The following SUPT3H variants were observed in gnomAD, a reference collection of about 807,000 sequenced individuals.
The protein encoded by SUPT3H is transcription initiation protein SPT3 homolog.
In SUPT3H, 44 loss-of-function variants were observed where a neutral mutation model predicts 44.3. The observed-to-expected ratio is 0.99, with a 90% CI of 0.78 to 1.28. The LOEUF is 1.28. Among genes scored for constraint, SUPT3H ranks in the 50% most tolerant of loss-of-function variants. The pLI, the probability that SUPT3H is intolerant of heterozygous loss-of-function variation, is 0.00. For missense variants in SUPT3H, 380 were observed against 387.1 expected, an observed-to-expected ratio of 0.98 and a Z score of 0.15; for synonymous variants, 124 against 125.6, an observed-to-expected ratio of 0.99 and a Z score of 0.09.
intron 11 of SUPT3H, among the ~76,000 whole-genome samples, chr6:44,813,293 C>T (rs1178653985): frequency 2.6e-5 from 4 of 152,182 alleles, no homozygotes; most frequent in Non-Finnish European, 5.9e-5. Flanking sequence ...TTAAGGGATC[C>T]TCCTGCCTCA....
chr6:44,823,700 G>A (rs1369836677), downstream of SUPT3H, among the ~76,000 whole-genome samples: 1 of 152,132 alleles, frequency 6.6e-6, no homozygotes, highest in Admixed American at 6.5e-5. Flanking sequence ...GGTGGCTCAC[G>A]CCTGTAATCC....
At chr6:45,343,650 T>C (rs549743885) in intron 2 of SUPT3H, among the ~76,000 whole-genome samples, 18 of 152,322 alleles carry the variant, frequency 1.2e-4, no homozygotes, top group African/African-American at 4.3e-4. Context: ...ACGAACTAGC[T>C]ACTAGTCTAT....
intron 2 of SUPT3H, among the ~76,000 whole-genome samples, chr6:45,285,541 G>A (rs902931791): frequency 2.3e-4 from 35 of 152,156 alleles, no homozygotes; most frequent in East Asian, 3.9e-4. Context: ...TACAAGGGAC[G>A]TGAAGGACCT....
chr6:45,236,532 C>T (rs1209073086), intron 2 of SUPT3H, among the ~76,000 whole-genome samples: 5 of 151,824 alleles, frequency 3.3e-5, no homozygotes, highest in Non-Finnish European at 2.9e-5. Flanking sequence ...TCATCCCTAC[C>T]CTTCTGCACC....
At chr6:45,194,112 A>C (rs933929960) in intron 2 of SUPT3H, among the ~76,000 whole-genome samples, 1 of 152,176 alleles carries the variant, frequency 6.6e-6, no homozygotes, top group Non-Finnish European at 1.5e-5. Context: ...TGGTTATTTC[A>C]CAACTGACAT....
At chr6:45,182,049 C>G (rs1376035179) in intron 2 of SUPT3H, among the ~76,000 whole-genome samples, 1 of 151,816 alleles carries the variant, frequency 6.6e-6, no homozygotes, top group South Asian at 2.1e-4. Context: ...AATACGTTTC[C>G]TTTTTTGTTG....
chr6:45,042,480 C>T (rs1319887735), intron 3 of SUPT3H, among the ~76,000 whole-genome samples: 1 of 152,138 alleles, frequency 6.6e-6, no homozygotes, highest in Non-Finnish European at 1.5e-5. Context: ...ATACCTAGAA[C>T]ATGATATGGT....
chr6:45,068,953 G>T (rs1793910553), intron 3 of SUPT3H, among the ~76,000 whole-genome samples: 1 of 148,946 alleles, frequency 6.7e-6, no homozygotes, highest in Admixed American at 6.7e-5. Flanking sequence ...AAAACAAAAT[G>T]CTTGCTTGTG....
chr6:45,321,122 A>G lies in SUPT3H; in HGVS notation c.101+44079T>C, dbSNP rs77207489. ...TTTCAAAAATCTTTTACCATCTTCAATTTATATTTGCCATATATAAATAAA... is the reference window on the plus strand; with the variant it reads ...TTTCAAAAATCTTTTACCATCTTCAGTTTATATTTGCCATATATAAATAAA... On this transcript the variant is annotated intron_variant, in intron 2 of 10. Transcript: ENST00000371459. Among the ~76,000 whole-genome samples the G allele has an allele frequency of 1.0e-3, 156 of 152,260 alleles. 5 individuals are homozygous for G. In the East Asian group the frequency reaches 0.026, roughly 26 times the overall value.
chr6:45,048,172 T>A (rs961137244), intron 3 of SUPT3H, among the ~76,000 whole-genome samples: 4 of 151,738 alleles, frequency 2.6e-5, no homozygotes, highest in African/African-American at 9.7e-5. Context: ...CCTTATCAGA[T>A]ATATGGCTTG....
At chr6:45,046,074 G>T (rs1240105870) in intron 3 of SUPT3H, among the ~76,000 whole-genome samples, 1 of 152,104 alleles carries the variant, frequency 6.6e-6, no homozygotes, top group Admixed American at 6.6e-5. Flanking sequence ...CATTTTTCTA[G>T]AAGTTTAATA....
intron 2 of SUPT3H, among the ~76,000 whole-genome samples, chr6:45,327,926 T>C (rs1406432451): frequency 6.6e-6 from 1 of 151,940 alleles, no homozygotes; most frequent in African/African-American, 2.4e-5. Context: ...TTTGTTCATT[T>C]TTCCACAGAC....
chr6:45,139,672 A>T (rs1804855523), intron 2 of SUPT3H, among the ~76,000 whole-genome samples: 1 of 152,182 alleles, frequency 6.6e-6, no homozygotes, highest in South Asian at 2.1e-4. Context: ...CGTAAAGCTG[A>T]AATGTATTAG....
At position 44,828,252 on chromosome 6, in the gene SUPT3H, TAAG is replaced by T. The variant is rs1477650809; in HGVS notation, c.*1561_*1563del. ...CCATGATTATGGATGCCAAGGAAAATAAGAATGATAAAAAGTTTAATCATAATC... is the reference window on the plus strand; with the variant it reads ...CCATGATTATGGATGCCAAGGAAAATAATGATAAAAAGTTTAATCATAATC... On this transcript the variant is annotated 3_prime_UTR_variant, in exon 11 of 11. Transcript: ENST00000371459. 2.0e-5 allele frequency among the ~76,000 whole-genome samples: 3 copies of T among 150,754 alleles called. No individual in the cohort carries two copies. The highest frequency in any genetic ancestry group is 4.4e-5 in the Non-Finnish European group (3 of 67,934).
At chr6:44,968,148 G>T (rs570562179) in intron 6 of SUPT3H, among the ~76,000 whole-genome samples, 148 of 152,142 alleles carry the variant, frequency 9.7e-4, no homozygotes, top group African/African-American at 3.5e-3. Context: ...CAATTGAAAT[G>T]CAGAGTCCTT....
intron 10 of SUPT3H, among the ~76,000 whole-genome samples, chr6:44,834,855 G>A (rs971997102): frequency 6.6e-6 from 1 of 152,130 alleles, no homozygotes; most frequent in African/African-American, 2.4e-5. Flanking sequence ...GAAGAAACTG[G>A]TGGAGTTGGC....
At chr6:45,062,950 G>A (rs113971337) in intron 3 of SUPT3H, among the ~76,000 whole-genome samples, 1 of 151,844 alleles carries the variant, frequency 6.6e-6, no homozygotes, top group Non-Finnish European at 1.5e-5. Context: ...GAACTGGGTG[G>A]AGCCCACCAC....
At chr6:44,830,860 C>G (rs1283591500) in intron 10 of SUPT3H, among the ~76,000 whole-genome samples, 1 of 139,446 alleles carries the variant, frequency 7.2e-6, no homozygotes, top group Non-Finnish European at 1.5e-5. Flanking sequence ...ACTTCCAGCC[C>G]AATGAATTAA....
At chr6:44,944,277 TATCATAAAGAA>T (rs1258650080) in intron 9 of SUPT3H, among the ~76,000 whole-genome samples, 1 of 151,666 alleles carries the variant, frequency 6.6e-6, no homozygotes, top group African/African-American at 2.4e-5. Flanking sequence ...TGCAAAAAGA[TATCATAAAGAA>T]ATCAATATAT....
Sources: allele counts gnomAD v4.1 joint callset (sites outside exome capture counted in the v4.1 genomes callset), GRCh38; gene constraint gnomAD v4.1.1; transcripts MANE v1.5; gene names NCBI Gene and HGNC (gene_info 2026-07-23, HGNC 2026-07-21).